ADGRL3: variants seen among roughly 807,000 people sequenced by gnomAD.
ADGRL3 encodes adhesion G protein-coupled receptor L3, also known as calcium-independent alpha-latrotoxin receptor 3.
ADGRL3 carries 62 observed loss-of-function variants against 153.5 expected under a neutral mutation model. The ratio of observed to expected loss-of-function variants is 0.40; its 90% CI spans 0.33 to 0.50. The LOEUF is 0.50. Among genes scored for constraint, ADGRL3 ranks in the 20% least tolerant of loss-of-function variants. The pLI is 0.47. For missense variants in ADGRL3, 1,641 were observed against 1,859.4 expected (o/e 0.88, Z 2.16); for synonymous variants, 710 against 672.5 (o/e 1.06, Z -0.86).
chr4:61,644,701 T>C (rs909693493), intron 5 of ADGRL3, among the ~76,000 whole-genome samples: 2 of 152,174 alleles, frequency 1.3e-5, no homozygotes, highest in African/African-American at 4.8e-5. Context: ...GAGCTTTACT[T>C]CCAAGTATGT....
chr4:61,605,690 G>A (rs2099029896), intron 5 of ADGRL3, among the ~76,000 whole-genome samples: 1 of 152,080 alleles, frequency 6.6e-6, no homozygotes, highest in Non-Finnish European at 1.5e-5. Flanking sequence ...ATATTACCTT[G>A]ATACAAAAAA....
At chr4:61,754,582 C>T (rs2096797370) in intron 8 of ADGRL3, among the ~76,000 whole-genome samples, 1 of 151,664 alleles carries the variant, frequency 6.6e-6, no homozygotes, top group African/African-American at 2.4e-5. Flanking sequence ...GTTCACCTTG[C>T]CCACTGCCTA....
chr4:61,383,249 C>T (rs762494104), intron 2 of ADGRL3, 60 bp downstream of exon 2: 14 of 151,564 alleles, frequency 9.2e-5, no homozygotes, highest in South Asian at 4.1e-4. Context: ...AAAATATTTA[C>T]ATTCAAGTTA....
chr4:61,369,026 T>G (rs2096465731), intron 1 of ADGRL3, among the ~76,000 whole-genome samples: 2 of 152,298 alleles, frequency 1.3e-5, no homozygotes, highest in Non-Finnish European at 2.9e-5. Context: ...TTTGGCTCTC[T>G]GTTTGTCTGT....
chr4:61,466,137 T>A (rs1334812315), intron 2 of ADGRL3, among the ~76,000 whole-genome samples: 1 of 151,766 alleles, frequency 6.6e-6, no homozygotes, highest in African/African-American at 2.4e-5. Flanking sequence ...AATAAATAAA[T>A]AAAATAAATA....
At chr4:61,868,443 C>T (rs1418620341) in intron 9 of ADGRL3, among the ~76,000 whole-genome samples, 1 of 152,224 alleles carries the variant, frequency 6.6e-6, no homozygotes, top group East Asian at 1.9e-4. Flanking sequence ...ACATATCTAG[C>T]CCAACCATTT....
At chr4:61,488,972 C>A (rs543179710) in intron 2 of ADGRL3, among the ~76,000 whole-genome samples, 1 of 152,028 alleles carries the variant, frequency 6.6e-6, no homozygotes, top group African/African-American at 2.4e-5. Context: ...ATCGAATGTT[C>A]TTCTATCCCA....
intron 4 of ADGRL3, among the ~76,000 whole-genome samples, chr4:61,528,129 T>C (rs1165147301): frequency 6.6e-6 from 1 of 152,140 alleles, no homozygotes; most frequent in Non-Finnish European, 1.5e-5. Flanking sequence ...ATGCTTCGGT[T>C]CCCTCATTTT....
At chr4:61,258,863 A>T (rs1214433560) in intron 1 of ADGRL3, among the ~76,000 whole-genome samples, 1 of 152,212 alleles carries the variant, frequency 6.6e-6, no homozygotes, top group African/African-American at 2.4e-5. Flanking sequence ...TAGGAAGTAT[A>T]AGTAGATAAT....
intron 2 of ADGRL3, among the ~76,000 whole-genome samples, chr4:61,418,647 A>G (rs2097170415): frequency 6.6e-6 from 1 of 150,900 alleles, no homozygotes; most frequent in East Asian, 2.1e-4. Flanking sequence ...AAAACAGACT[A>G]TTTAAATACA....
At chr4:61,434,968 A>G (rs2097426515) in intron 2 of ADGRL3, among the ~76,000 whole-genome samples, 1 of 152,092 alleles carries the variant, frequency 6.6e-6, no homozygotes. Context: ...CTGAGATTTA[A>G]AAATATCACT....
intron 1 of ADGRL3, among the ~76,000 whole-genome samples, chr4:61,380,386 A>G (rs540504425): frequency 1.3e-5 from 2 of 152,116 alleles, no homozygotes; most frequent in East Asian, 3.9e-4. Context: ...AAGTTTCTCT[A>G]CTTTTTAAAC....
intron 11 of ADGRL3, among the ~76,000 whole-genome samples, chr4:61,902,055 A>G (rs760584257): frequency 1.3e-5 from 2 of 152,210 alleles, no homozygotes; most frequent in Non-Finnish European, 2.9e-5. Context: ...ATATTTTTAT[A>G]TGGAAATAAG....
intron 6 of ADGRL3, among the ~76,000 whole-genome samples, chr4:61,723,029 A>G (rs1157900200): frequency 1.3e-5 from 2 of 152,210 alleles, no homozygotes; most frequent in Non-Finnish European, 2.9e-5. Context: ...CTTAGGAACA[A>G]ATAGATGACA....
chr4:61,936,044 T>C lies in ADGRL3; in HGVS notation c.2418T>C (p.Asn806=). 1 of 1,610,642 alleles carries C rather than the reference T, an allele frequency of 6.2e-7. No homozygotes were observed. Among genetic ancestry groups the C allele is most frequent in the South Asian group, 1.1e-5 (1 of 90,290 alleles). The change falls in exon 15 of 27, where the codon AAT becomes AAC. Residue 806 remains asparagine (N), a splice_region_variant and synonymous_variant. Coordinates refer to ENST00000683033, the MANE Select transcript of ADGRL3 (RefSeq NM_001387552.1). ...SANTLKQNGR[N]GEIRVAFVLY... is the part of the protein sequence containing the mutation. Reference sequence around the variant, plus strand: ...ATACCTTAAAGCAAAATGGCCGAAATGGTAGGTTAGAGTTTATTTTTTAAG... The same window carrying C: ...ATACCTTAAAGCAAAATGGCCGAAACGGTAGGTTAGAGTTTATTTTTTAAG...
intron 4 of ADGRL3, among the ~76,000 whole-genome samples, chr4:61,537,987 A>T (rs2098667330): frequency 6.6e-6 from 1 of 151,962 alleles, no homozygotes; most frequent in Non-Finnish European, 1.5e-5. Context: ...CATTTTGGTG[A>T]GGATTCATTG....
chr4:61,707,077 G>T (rs1352798323), intron 6 of ADGRL3, among the ~76,000 whole-genome samples: 2 of 152,154 alleles, frequency 1.3e-5, no homozygotes, highest in Non-Finnish European at 2.9e-5. Context: ...AAGGCCCAAA[G>T]AAGGGGAAAG....
In ADGRL3 at chr4:62,037,783, G is replaced by T. The variant is rs1725903959; in HGVS notation, c.3644G>T (p.Ser1215Ile). The change falls in exon 24 of 27, where the codon AGT becomes ATT. Residue 1215 changes from serine to isoleucine, a missense_variant. Ser to Ile is a moderately radical substitution (Grantham distance 142, BLOSUM62 -2). Coordinates refer to ENST00000683033, the MANE Select transcript of ADGRL3 (RefSeq NM_001387552.1). ...CLRTHCCSGK[S>I]TESSIGSGKT... ...CGAACACATTGCTGTAGTGGCAAAAGTACAGAGAGTTCCATTGGTTCAGGG... is the reference window on the plus strand; with the variant it reads ...CGAACACATTGCTGTAGTGGCAAAATTACAGAGAGTTCCATTGGTTCAGGG... 1.2e-6 allele frequency: 2 copies of T among 1,613,786 alleles called. No homozygotes were observed. Among genetic ancestry groups the T allele is most frequent in the Non-Finnish European group, 1.7e-6 (2 of 1,179,766 alleles).
chr4:61,717,635 G>T (rs115663933), intron 6 of ADGRL3, among the ~76,000 whole-genome samples: 1 of 152,074 alleles, frequency 6.6e-6, no homozygotes, highest in Admixed American at 6.6e-5. Context: ...GTTGGCTATT[G>T]TTTCTATAAA....
Sources: allele counts gnomAD v4.1 joint callset (sites outside exome capture counted in the v4.1 genomes callset), GRCh38; gene constraint gnomAD v4.1.1; transcripts MANE v1.5; gene names NCBI Gene and HGNC (gene_info 2026-07-23, HGNC 2026-07-21).